ABCC2: variants seen among roughly 807,000 people sequenced by gnomAD.
ABCC2 encodes ATP-binding cassette sub-family C member 2.
A neutral mutation model predicts 173.4 loss-of-function variants in ABCC2; 157 were observed. The ratio of observed to expected loss-of-function variants is 0.91; its 90% confidence interval spans 0.80 to 1.03. ABCC2 has a LOEUF of 1.03. Ranked by LOEUF, ABCC2 falls within the 50% of genes least tolerant of loss-of-function variation. ABCC2 has a pLI of 0.00. For missense variants in ABCC2, 1,822 were observed against 1,852.3 expected, an observed-to-expected ratio of 0.98 and a Z score of 0.30; for synonymous variants, 657 against 693.5, an observed-to-expected ratio of 0.95 and a Z score of 0.83.
At chr10:99,825,940 T>C (rs2038631283) in intron 19 of ABCC2, among the ~76,000 whole-genome samples, 1 of 152,250 alleles carries the variant, frequency 6.6e-6, no homozygotes, top group South Asian at 2.1e-4. Context: ...AATGGCTGAA[T>C]TGGGAATGCC....
At chr10:99,794,680 G>A in intron 6 of ABCC2, 1 of 520,206 alleles carries the variant, frequency 1.9e-6, no homozygotes, top group South Asian at 2.2e-5. Flanking sequence ...AAGTAGCTGG[G>A]ATTACAGGTG....
intron 19 of ABCC2, among the ~76,000 whole-genome samples, chr10:99,821,240 A>G (rs2038531945): frequency 6.6e-6 from 1 of 152,214 alleles, no homozygotes; most frequent in Non-Finnish European, 1.5e-5. Flanking sequence ...GTTTTTCCCT[A>G]TCTCAGTAGA....
intron 5 of ABCC2, 36 bp from the exon 6 acceptor site, chr10:99,794,377 A>G: frequency 6.3e-7 from 1 of 1,583,428 alleles, no homozygotes; most frequent in Non-Finnish European, 8.7e-7. Context: ...TCCTGTCTCC[A>G]ATTGGTTTAC....
At chr10:99,787,940 G>C (rs2037746680) in intron 2 of ABCC2, among the ~76,000 whole-genome samples, 1 of 152,120 alleles carries the variant, frequency 6.6e-6, no homozygotes, top group Non-Finnish European at 1.5e-5. Flanking sequence ...GCATGTGCCT[G>C]TGGTCCCAGC....
intron 31 of ABCC2, among the ~76,000 whole-genome samples, 187 bp downstream of exon 31, chr10:99,850,983 G>T (rs2039080923): frequency 6.6e-6 from 1 of 152,172 alleles, no homozygotes; most frequent in African/African-American, 2.4e-5. Flanking sequence ...AACGAACAAG[G>T]TTAAGGGAAC....
intron 12 of ABCC2, 88 bp downstream of exon 12, chr10:99,807,609 T>G (rs2038135356): frequency 9.5e-6 from 15 of 1,585,100 alleles, no homozygotes; most frequent in Non-Finnish European, 1.7e-6. Context: ...ATAGACTAGC[T>G]GGCATCTCTA....
intron 31 of ABCC2, 74 bp downstream of exon 31, chr10:99,850,870 C>T (rs77106298): frequency 0.034 from 51,231 of 1,527,234 alleles, 1,104 homozygotes; most frequent in Middle Eastern, 0.096. Flanking sequence ...AGCCGGGAAA[C>T]ACCTGATGGC....
intron 30 of ABCC2, among the ~76,000 whole-genome samples, chr10:99,848,289 C>G (rs1360349743): frequency 6.6e-6 from 1 of 152,238 alleles, no homozygotes; most frequent in Non-Finnish European, 1.5e-5. Context: ...CTTTCCAAAA[C>G]ATTTTTATAT....
chr10:99,845,423 C>A (rs747954062), intron 28 of ABCC2, among the ~76,000 whole-genome samples: 2 of 152,122 alleles, frequency 1.3e-5, no homozygotes, highest in Admixed American at 6.5e-5. Context: ...GACTATAGTT[C>A]TCAGCAAACA....
At chr10:99,794,346 G>A in intron 5 of ABCC2, 67 bp from the exon 6 acceptor site, 2 of 1,400,180 alleles carry the variant, frequency 1.4e-6, no homozygotes, top group Non-Finnish European at 2.0e-6. Context: ...ATCAGTTTCT[G>A]ATTTTAGAGT....
intron 25 of ABCC2, among the ~76,000 whole-genome samples, chr10:99,838,441 C>T (rs2038866745): frequency 6.5e-5 from 7 of 107,172 alleles, no homozygotes; most frequent in Admixed American, 1.6e-4. Context: ...GACCCCCCCA[C>T]CTCCCTCCCG....
chr10:99,817,193 C>A, intron 16 of ABCC2, 115 bp from the exon 17 acceptor site: 1 of 900,150 alleles, frequency 1.1e-6, no homozygotes, highest in Non-Finnish European at 1.8e-6. Context: ...CATCCTGATG[C>A]ACAGTTATTT....
At chr10:99,830,217 G>C (rs1419148855) in intron 19 of ABCC2, 90 bp from the exon 20 acceptor site, 8 of 1,556,282 alleles carry the variant, frequency 5.1e-6, no homozygotes, top group Non-Finnish European at 7.1e-6. Flanking sequence ...GCTGAAACCA[G>C]CAAGATCAGA....
chr10:99,789,719 A>AAG (rs1440089345), intron 2 of ABCC2, among the ~76,000 whole-genome samples: 1 of 148,564 alleles, frequency 6.7e-6, no homozygotes, highest in Non-Finnish European at 1.5e-5. Flanking sequence ...CAAAAAAAAA[A>AAG]AAAAAAAGAA....
At chr10:99,844,497 G>C in intron 28 of ABCC2, 32 bp downstream of exon 28, 1 of 1,609,388 alleles carries the variant, frequency 6.2e-7, no homozygotes, top group Non-Finnish European at 8.5e-7. Flanking sequence ...CTGGATGGGA[G>C]GCCTTGTGAT....
chr10:99,808,522 A>G (rs1429462041), intron 13 of ABCC2, among the ~76,000 whole-genome samples: 2 of 152,134 alleles, frequency 1.3e-5, no homozygotes, highest in East Asian at 3.9e-4. Flanking sequence ...TACTGGGAAC[A>G]TTTCCCAGCC....
chr10:99,851,776 C>T lies in ABCC2; in HGVS notation c.*145C>T. ...AGTGAACACCCATGAACCTACTACC[C>T]AGGTTAAGAAAATAAATGTCACCAG... is the stretch of plus-strand genomic sequence containing the variant. On this transcript the variant is annotated 3_prime_UTR_variant, in exon 32 of 32. Transcript: ENST00000647814. 1.3e-6 allele frequency: 1 copy of T among 792,132 alleles called. No homozygotes were observed. The highest frequency in any genetic ancestry group is 1.9e-6 in the Non-Finnish European group (1 of 527,304). The allele number at this position is 792,132 out of a possible 1,614,324, so 49.1% of individuals were successfully genotyped here.
intron 23 of ABCC2, among the ~76,000 whole-genome samples, chr10:99,832,566 G>T (rs1224174856): frequency 6.6e-6 from 1 of 152,202 alleles, no homozygotes; most frequent in Non-Finnish European, 1.5e-5. Context: ...GGGTGAGAAG[G>T]ATTATTCTGC....
intron 14 of ABCC2, among the ~76,000 whole-genome samples, chr10:99,811,186 C>T (rs1052958284): frequency 4.6e-5 from 7 of 151,786 alleles, no homozygotes; most frequent in East Asian, 1.9e-4. Context: ...CAAAAATTAG[C>T]GGGGCATGGT....
Sources: gnomAD v4.1 joint callset for allele counts (sites outside exome capture counted in the v4.1 genomes callset) on GRCh38, gnomAD v4.1.1 for gene constraint, MANE v1.5 for transcripts, NCBI Gene and HGNC (gene_info 2026-07-23, HGNC 2026-07-21) for gene names.